Variants in ZC3H12B observed in about 807,000 individuals in gnomAD.
The protein encoded by ZC3H12B is probable ribonuclease ZC3H12B.
ZC3H12B carries 7 observed loss-of-function variants against 43.9 expected under a neutral mutation model. The observed-to-expected ratio is 0.16, with a 90% CI of 0.09 to 0.30. The LOEUF is 0.30. Ranked by LOEUF, ZC3H12B falls within the 10% of genes least tolerant of loss-of-function variation. ZC3H12B has a pLI of 1.00. For synonymous variants in ZC3H12B, 222 were observed against 241.7 expected (o/e 0.92, Z 0.76); for missense variants, 475 against 670.2 (o/e 0.71, Z 3.22).
At chrX:65,197,346 T>A in the ZC3H12B span, among the ~76,000 whole-genome samples, 1 of 112,395 alleles carries the variant, frequency 8.9e-6, no homozygotes, top group East Asian at 2.8e-4. Flanking sequence ...CAAAATCTCC[T>A]GTGCTCCTTG....
chrX:65,365,481 C>A (rs185181375), upstream of ZC3H12B, among the ~76,000 whole-genome samples: 2 of 110,901 alleles, frequency 1.8e-5, no homozygotes, highest in African/African-American at 6.6e-5. Context: ...CCCCTTACCA[C>A]GAAATCTTCC....
At chrX:65,306,765 T>C in the ZC3H12B span, among the ~76,000 whole-genome samples, 1 of 112,048 alleles carries the variant, frequency 8.9e-6, no homozygotes, top group African/African-American at 3.2e-5. Flanking sequence ...AAAAGGAAAA[T>C]AACCCAAAAG....
the ZC3H12B span, among the ~76,000 whole-genome samples, chrX:65,119,454 A>G: frequency 1.1e-4 from 12 of 112,010 alleles, no homozygotes; most frequent in African/African-American, 2.9e-4. Flanking sequence ...TCTTCTTTTG[A>G]GAAGTGTCCG....
the ZC3H12B span, among the ~76,000 whole-genome samples, chrX:65,153,879 A>G: frequency 9.0e-6 from 1 of 110,962 alleles, no homozygotes; most frequent in East Asian, 2.8e-4. Flanking sequence ...GCACATATAC[A>G]CCATGGAATA....
the ZC3H12B span, among the ~76,000 whole-genome samples, chrX:65,100,591 A>C: frequency 9.6e-6 from 1 of 104,037 alleles, no homozygotes; most frequent in Non-Finnish European, 2.0e-5. Flanking sequence ...AAAAAAAAAA[A>C]AAACAGGGGT....
At chrX:65,103,473 T>C in the ZC3H12B span, among the ~76,000 whole-genome samples, 1 of 111,484 alleles carries the variant, frequency 9.0e-6, no homozygotes, top group Admixed American at 9.5e-5. Flanking sequence ...AACGCAATCA[T>C]CACAGGGTGC....
At chrX:65,381,903 G>A (rs1327273681) in intron 2 of ZC3H12B, among the ~76,000 whole-genome samples, 9 of 111,700 alleles carry the variant, frequency 8.1e-5, no homozygotes. Flanking sequence ...GACTAAACCA[G>A]GAAGAAGTTG....
At chrX:65,256,758 G>C in the ZC3H12B span, among the ~76,000 whole-genome samples, 2 of 111,847 alleles carry the variant, frequency 1.8e-5, no homozygotes, top group Admixed American at 9.5e-5. Context: ...ACGTTGGTTT[G>C]TTGAAAGAAT....
At chrX:65,212,719 T>C in the ZC3H12B span, among the ~76,000 whole-genome samples, 1 of 94,138 alleles carries the variant, frequency 1.1e-5, no homozygotes, top group Non-Finnish European at 2.1e-5. Context: ...ATATCATATA[T>C]ATATCATATA....
the ZC3H12B span, among the ~76,000 whole-genome samples, chrX:65,297,997 C>T: frequency 6.3e-5 from 7 of 111,655 alleles, no homozygotes; most frequent in East Asian, 5.6e-4. Flanking sequence ...AAAATCAACC[C>T]GAGATGGATC....
the ZC3H12B span, among the ~76,000 whole-genome samples, chrX:65,222,370 A>T: frequency 9.0e-6 from 1 of 110,756 alleles, no homozygotes; most frequent in African/African-American, 3.3e-5. Context: ...AAAGAGAAAG[A>T]AATCAATGGC....
chrX:65,162,939 GT>G, the ZC3H12B span, among the ~76,000 whole-genome samples: 4 of 112,009 alleles, frequency 3.6e-5, no homozygotes, highest in South Asian at 1.5e-3. Flanking sequence ...GCACACATGG[GT>G]TTTTGGTGTG....
the ZC3H12B span, among the ~76,000 whole-genome samples, chrX:65,229,341 C>A: frequency 9.0e-6 from 1 of 111,158 alleles, no homozygotes; most frequent in Non-Finnish European, 1.9e-5. Flanking sequence ...ATGTAGAAAG[C>A]TGAAACTGGA....
At chrX:65,494,825 A>C (rs964174945) in intron 1 of ZC3H12B, among the ~76,000 whole-genome samples, 1 of 110,338 alleles carries the variant, frequency 9.1e-6, no homozygotes, top group South Asian at 3.8e-4. Flanking sequence ...TAAATAAATA[A>C]ATAAAATATA....
intron 3 of ZC3H12B, among the ~76,000 whole-genome samples, chrX:65,450,852 CATATGTGTATATATGTATATATAT>C (rs2067492224): frequency 3.0e-5 from 2 of 66,550 alleles, no homozygotes; most frequent in East Asian, 4.9e-4. Context: ...TATATATATA[CATATGTGTATATATGTATATATAT>C]ACATATGTGT....
the ZC3H12B span, among the ~76,000 whole-genome samples, chrX:65,169,540 T>A: frequency 8.9e-6 from 1 of 112,073 alleles, no homozygotes; most frequent in South Asian, 3.7e-4. Context: ...TCTGTAGATG[T>A]CTATTAGATC....
the ZC3H12B span, among the ~76,000 whole-genome samples, chrX:65,354,107 C>T: frequency 1.8e-5 from 2 of 112,192 alleles, no homozygotes; most frequent in Admixed American, 9.4e-5. Flanking sequence ...GCACAGCGCT[C>T]GAGCTCTGCT....
the ZC3H12B span, among the ~76,000 whole-genome samples, chrX:65,080,324 A>G: frequency 9.9e-5 from 11 of 110,817 alleles, no homozygotes; most frequent in Admixed American, 9.6e-4. Context: ...CAAAAAGATA[A>G]TAACAGAGAA....
chrX:65,499,207 G>A, exon 3 of ZC3H12B: 1 of 1,208,144 alleles, frequency 8.3e-7, no homozygotes. Context: ...AGGAGCGGTT[G>A]CTGATGTATT....
Sources: allele counts gnomAD v4.1 joint callset (sites outside exome capture counted in the v4.1 genomes callset), GRCh38; gene constraint gnomAD v4.1.1; transcripts MANE v1.5; gene names NCBI Gene and HGNC (gene_info 2026-07-23, HGNC 2026-07-21).